Variants in SENP6 observed in about 807,000 individuals in gnomAD.
The protein encoded by SENP6 is sentrin-specific protease 6.
Under a neutral mutation model 134.5 loss-of-function variants are expected in SENP6, and 41 were observed. The observed-to-expected ratio is 0.30, with a 90% CI of 0.24 to 0.40. SENP6 has a LOEUF of 0.40. Ranked by LOEUF, SENP6 falls within the 10% of genes least tolerant of loss-of-function variation. The pLI, the probability that SENP6 is intolerant of heterozygous loss-of-function variation, is 1.00. For missense variants in SENP6, 1,248 were observed against 1,312.5 expected (o/e 0.95, Z 0.76); for synonymous variants, 395 against 429.8 (o/e 0.92, Z 1.00).
At chr6:75,616,196 T>G (rs1365287267) in intron 1 of SENP6, among the ~76,000 whole-genome samples, 1 of 152,182 alleles carries the variant, frequency 6.6e-6, no homozygotes, top group East Asian at 1.9e-4. Context: ...TTCCATCTCC[T>G]TAATTTTCTA....
At chr6:75,638,208 G>T (rs1769672879) in intron 5 of SENP6, among the ~76,000 whole-genome samples, 2 of 150,132 alleles carry the variant, frequency 1.3e-5, no homozygotes, top group South Asian at 2.1e-4. Context: ...ATTGATACCA[G>T]AATTTATCTA....
chr6:75,650,743 A>C (rs1770800158), intron 7 of SENP6, among the ~76,000 whole-genome samples: 2 of 152,212 alleles, frequency 1.3e-5, no homozygotes, highest in African/African-American at 4.8e-5. Context: ...TAGCAATGCT[A>C]TAATAATACT....
intron 1 of SENP6, 138 bp downstream of exon 1, chr6:75,602,714 AG>A (rs1417121658): frequency 1.1e-6 from 1 of 920,702 alleles, no homozygotes; most frequent in African/African-American, 1.7e-5. Context: ...GATGACGGGG[AG>A]GGAGTGTGCT....
At chr6:75,711,499 T>A in intron 21 of SENP6, 83 bp downstream of exon 21, 1 of 832,672 alleles carries the variant, frequency 1.2e-6, no homozygotes, top group Non-Finnish European at 1.8e-6. Context: ...TTTTTTTAAA[T>A]AAATACTTAA....
chr6:75,695,116 T>C (rs1167608515), intron 16 of SENP6, among the ~76,000 whole-genome samples: 2 of 152,122 alleles, frequency 1.3e-5, no homozygotes, highest in Non-Finnish European at 2.9e-5. Context: ...CCTCAGGTGA[T>C]CTGCCCACCT....
chr6:75,670,573 C>T lies in SENP6; in HGVS notation c.1245C>T (p.Asn415=), dbSNP rs1196256307. The T allele has an allele frequency of 1.2e-6, 2 of 1,609,002 alleles. No individual in the cohort carries two copies. Among genetic ancestry groups the T allele is most frequent in the Admixed American group, 3.4e-5 (2 of 59,266 alleles). The change falls in exon 11 of 24, where the codon AAC becomes AAT. Residue 415 remains asparagine (N), a synonymous_variant. Transcript: ENST00000447266. ...MKDQFGNSII[N]TPLKRRKVFS... ...TTTAGTTTGGCAATTCTATTATCAACACACCTCTGAAACGTCGTAAAGTGT... is the reference window on the plus strand; with the variant it reads ...TTTAGTTTGGCAATTCTATTATCAATACACCTCTGAAACGTCGTAAAGTGT...
In SENP6 at chr6:75,715,905, G is replaced by A. The variant is rs1775999642; in HGVS notation, c.*311G>A. The A allele has an allele frequency of 1.1e-5, 2 of 177,064 alleles. No individual in the cohort carries two copies. Among genetic ancestry groups the A allele is most frequent in the Non-Finnish European group, 2.4e-5 (2 of 84,334 alleles). 11.0% of individuals were successfully genotyped at this position (177,064 alleles called of 1,614,324 possible). A position where few individuals can be genotyped will look rare whatever the true frequency, so the allele number is the denominator to read the frequency against. On this transcript the variant is annotated 3_prime_UTR_variant, in exon 24 of 24. Transcript: ENST00000447266. ...AAATAAAAAGAAAATATTTATAGGA[G>A]GAAATGATTAATTTGATATTCTTTA...
chr6:75,692,385 C>T (rs66846373), intron 16 of SENP6, among the ~76,000 whole-genome samples: 43,418 of 151,532 alleles, frequency 0.29, 6,792 homozygotes, highest in Middle Eastern at 0.37. Flanking sequence ...TTTGGGAGGC[C>T]GATGCTGGAG....
intron 8 of SENP6, among the ~76,000 whole-genome samples, chr6:75,661,139 T>C (rs1361093437): frequency 6.6e-6 from 1 of 152,230 alleles, no homozygotes; most frequent in African/African-American, 2.4e-5. Context: ...TAATCTATAT[T>C]AGAATCCATA....
At chr6:75,620,376 C>T (rs140042127) in intron 1 of SENP6, among the ~76,000 whole-genome samples, 1 of 152,194 alleles carries the variant, frequency 6.6e-6, no homozygotes, top group East Asian at 1.9e-4. Flanking sequence ...TCTCAGAATT[C>T]TGGAAGCTGG....
At chr6:75,641,747 G>A (rs1296412479) in intron 6 of SENP6, among the ~76,000 whole-genome samples, 1 of 152,132 alleles carries the variant, frequency 6.6e-6, no homozygotes, top group African/African-American at 2.4e-5. Context: ...GGAGGGCAAA[G>A]CGGGAGTATC....
chr6:75,604,519 C>T (rs1582637289), intron 1 of SENP6, among the ~76,000 whole-genome samples: 1 of 151,794 alleles, frequency 6.6e-6, no homozygotes, highest in African/African-American at 2.4e-5. Context: ...GTAGTCCCAG[C>T]TACTGCGGAG....
intron 10 of SENP6, among the ~76,000 whole-genome samples, chr6:75,667,679 T>A (rs1034308956): frequency 6.6e-6 from 1 of 152,172 alleles, no homozygotes; most frequent in African/African-American, 2.4e-5. Flanking sequence ...AAAATGACCA[T>A]TAAAAAATTT....
intron 16 of SENP6, among the ~76,000 whole-genome samples, chr6:75,681,519 C>T (rs114310739): frequency 4.6e-5 from 7 of 151,156 alleles, no homozygotes; most frequent in East Asian, 1.9e-4. Context: ...AGTGCAGTGG[C>T]GCGATCTTGG....
intron 11 of SENP6, among the ~76,000 whole-genome samples, chr6:75,673,376 T>C (rs1327281960): frequency 7.1e-6 from 1 of 141,644 alleles, no homozygotes; most frequent in Non-Finnish European, 1.5e-5. Context: ...CAGGCTGGAG[T>C]GCAGTGGCGC....
chr6:75,672,608 C>T (rs1006967397), intron 11 of SENP6, among the ~76,000 whole-genome samples: 2 of 151,972 alleles, frequency 1.3e-5, no homozygotes, highest in African/African-American at 2.4e-5. Context: ...CTTCAGATGG[C>T]GTAAATAAAA....
In SENP6 at chr6:75,654,472, C is replaced by T. The variant is rs139512275; in HGVS notation, c.551-4790C>T. On this transcript the variant is annotated intron_variant, in intron 7 of 23. Coordinates refer to ENST00000447266, the MANE Select transcript of SENP6 (RefSeq NM_015571.4). Reference sequence around the variant, plus strand: ...AGATTGTCATGCTAAAGAGTTTTTACAAAATCCTGTATGCCAAAAGTATAG... The same window carrying T: ...AGATTGTCATGCTAAAGAGTTTTTATAAAATCCTGTATGCCAAAAGTATAG... Among the ~76,000 whole-genome samples the T allele has an allele frequency of 8.5e-5, 13 of 152,268 alleles. 1 individual carries two copies. In the East Asian group the frequency reaches 2.5e-3, roughly 29 times the overall value.
intron 1 of SENP6, among the ~76,000 whole-genome samples, chr6:75,615,377 G>C (rs1050079757): frequency 6.7e-6 from 1 of 150,212 alleles, no homozygotes; most frequent in Non-Finnish European, 1.5e-5. Flanking sequence ...ACGGGGTTTC[G>C]CAGCATTGGC....
chr6:75,610,546 T>C (rs1280542841), intron 1 of SENP6, among the ~76,000 whole-genome samples: 5 of 152,070 alleles, frequency 3.3e-5, no homozygotes, highest in Non-Finnish European at 5.9e-5. Flanking sequence ...TGGACCCTAA[T>C]TTTTTTTGTC....
Sources: gnomAD v4.1 joint callset for allele counts (sites outside exome capture counted in the v4.1 genomes callset) on GRCh38, gnomAD v4.1.1 for gene constraint, MANE v1.5 for transcripts, NCBI Gene and HGNC (gene_info 2026-07-23, HGNC 2026-07-21) for gene names.